Variants in PDE4D observed in about 807,000 individuals in gnomAD.
The protein encoded by PDE4D is 3',5'-cyclic-AMP phosphodiesterase 4D.
A neutral mutation model predicts 87.4 loss-of-function variants in PDE4D; 24 were observed. That is an observed-to-expected ratio of 0.27 (90% CI 0.20 to 0.39). The LOEUF (loss-of-function observed/expected upper bound fraction) is 0.39. Ranked by LOEUF, PDE4D falls within the 10% of genes least tolerant of loss-of-function variation. The pLI is 1.00. For synonymous variants in PDE4D, 384 were observed against 383.2 expected (o/e 1.00, Z -0.02); for missense variants, 714 against 1,041.0 (o/e 0.69, Z 4.32).
chr5:59,137,738 G>A (rs955101416), intron 5 of PDE4D, among the ~76,000 whole-genome samples: 1 of 152,174 alleles, frequency 6.6e-6, no homozygotes, highest in Admixed American at 6.5e-5. Flanking sequence ...GTATTAACCA[G>A]GATGGTCTGG....
chr5:59,519,050 C>T (rs554620927), intron 1 of PDE4D, among the ~76,000 whole-genome samples: 75 of 152,156 alleles, frequency 4.9e-4, no homozygotes, highest in Non-Finnish European at 9.7e-4. Flanking sequence ...TTTCTGCTGT[C>T]CTTCCTTCTT....
intron 1 of PDE4D, among the ~76,000 whole-genome samples, chr5:60,371,497 A>ACTCCAAC (rs1761028003): frequency 6.6e-6 from 1 of 152,198 alleles, no homozygotes; most frequent in Non-Finnish European, 1.5e-5. Flanking sequence ...ACAATCCTAG[A>ACTCCAAC]CTCCAACCTG....
chr5:60,235,383 T>G (rs1015245191), intron 1 of PDE4D, among the ~76,000 whole-genome samples: 4 of 151,956 alleles, frequency 2.6e-5, no homozygotes, highest in Non-Finnish European at 4.4e-5. Context: ...GTATAATGAT[T>G]ATTACAGGTA....
intron 1 of PDE4D, among the ~76,000 whole-genome samples, chr5:59,781,166 CAAA>C (rs11450737): frequency 1.4e-5 from 1 of 69,118 alleles, no homozygotes; most frequent in African/African-American, 6.4e-5. Flanking sequence ...AACTCCTTCT[CAAA>C]AAAAAAAAAA....
intron 3 of PDE4D, among the ~76,000 whole-genome samples, chr5:59,940,596 T>C (rs1002690595): frequency 2.6e-5 from 4 of 152,162 alleles, no homozygotes; most frequent in Non-Finnish European, 5.9e-5. Flanking sequence ...TTCACTGAAA[T>C]AGAGAACACT....
intron 1 of PDE4D, among the ~76,000 whole-genome samples, chr5:59,350,786 GA>G (rs1780409931): frequency 6.6e-6 from 1 of 152,160 alleles, no homozygotes; most frequent in South Asian, 2.1e-4. Flanking sequence ...TTTTACAAAT[GA>G]GGAAACTGAG....
At chr5:59,269,339 C>T (rs776258483) in intron 1 of PDE4D, among the ~76,000 whole-genome samples, 6 of 152,014 alleles carry the variant, frequency 3.9e-5, no homozygotes, top group Non-Finnish European at 8.8e-5. Flanking sequence ...TCCAGATGAG[C>T]CTAAAATAAA....
chr5:58,971,426 C>CAGAT lies in PDE4D; in HGVS notation c.*3234_*3237dup, dbSNP rs1300986940. The CAGAT allele has an allele frequency of 6.6e-6, 1 of 152,126 alleles. No individual in the cohort carries two copies. The highest frequency in any genetic ancestry group is 1.9e-4 in the East Asian group (1 of 5,166). 9.4% of individuals were successfully genotyped at this position (152,126 alleles called of 1,614,324 possible). The stretch of plus-strand genomic sequence containing the variant: ...TCATGGGATGATGTTTTAATAAGAA[C>CAGAT]AGATAATTTACAATTAACATTACAG... On this transcript the variant is annotated 3_prime_UTR_variant, in exon 15 of 15. Transcript: ENST00000340635.
chr5:59,094,216 C>CAAAAAA lies in PDE4D; in HGVS notation c.809-55251_809-55246dup, dbSNP rs1164383460. Among the ~76,000 whole-genome samples the CAAAAAA allele has an allele frequency of 2.7e-4, 4 of 14,564 alleles. 1 individual carries two copies. Among genetic ancestry groups the CAAAAAA allele is most frequent in the East Asian group, 3.0e-3 (2 of 676 alleles). The allele number at this position is 14,564 out of a possible 152,430, so 9.6% of individuals were successfully genotyped here. On this transcript the variant is annotated intron_variant, in intron 5 of 14. Transcript: ENST00000340635. ...CTGGTGACAGAGCAAGACTCCGTCT[C>CAAAAAA]AAAAAAAAAAAAAAAAAAAAAAAAA...
Position 59,402,579 on chromosome 5 carries a change from A to G in PDE4D, c.456-186611T>C, listed in dbSNP as rs171800. Among the ~76,000 whole-genome samples the G allele has an allele frequency of 3.3e-3, 505 of 152,064 alleles. 2 individuals carry two copies. The highest frequency in any genetic ancestry group is 0.012 in the African/African-American group (483 of 41,468). On this transcript the variant is annotated intron_variant, in intron 1 of 14. Coordinates refer to ENST00000340635, the MANE Select transcript of PDE4D (RefSeq NM_001104631.2). The stretch of plus-strand genomic sequence containing the variant: ...TGGGGTATTCCATTCAAATGTTAAA[A>G]AATTCCAATCCAAGATGTCTACCTA...
At chr5:59,290,283 C>T (rs765627765) in intron 1 of PDE4D, among the ~76,000 whole-genome samples, 7 of 151,888 alleles carry the variant, frequency 4.6e-5, no homozygotes, top group African/African-American at 1.4e-4. Flanking sequence ...ACATCTACAG[C>T]GAACTCATTT....
At chr5:59,663,460 C>T (rs113683296) in intron 1 of PDE4D, among the ~76,000 whole-genome samples, 57 of 152,246 alleles carry the variant, frequency 3.7e-4, no homozygotes, top group Non-Finnish European at 6.2e-4. Context: ...CATGAGCCAT[C>T]GTGCCCAGCC....
At chr5:60,034,409 T>C (rs992348416) in intron 2 of PDE4D, among the ~76,000 whole-genome samples, 2 of 152,210 alleles carry the variant, frequency 1.3e-5, no homozygotes, top group African/African-American at 4.8e-5. Context: ...TTCCAGCTTC[T>C]AGAGGCTTTC....
At chr5:60,042,883 C>T (rs1294008750) in intron 2 of PDE4D, among the ~76,000 whole-genome samples, 2 of 152,066 alleles carry the variant, frequency 1.3e-5, no homozygotes, top group Non-Finnish European at 2.9e-5. Flanking sequence ...AATCAGAATG[C>T]CTCTTCTCCA....
intron 1 of PDE4D, among the ~76,000 whole-genome samples, chr5:60,288,411 C>T (rs1349087927): frequency 6.6e-6 from 1 of 152,186 alleles, no homozygotes. Flanking sequence ...GTCCTCTCCA[C>T]CCCCAGAAAA....
chr5:59,658,827 T>C (rs1744791622), intron 1 of PDE4D, among the ~76,000 whole-genome samples: 1 of 151,974 alleles, frequency 6.6e-6, no homozygotes, highest in South Asian at 2.1e-4. Flanking sequence ...AGTGTTCGTG[T>C]GTGTGTGTGT....
intron 5 of PDE4D, among the ~76,000 whole-genome samples, chr5:59,178,151 C>T (rs550804630): frequency 3.3e-5 from 5 of 152,216 alleles, no homozygotes; most frequent in African/African-American, 1.2e-4. Flanking sequence ...GTTTTAAGGG[C>T]CCACTTTTTC....
intron 1 of PDE4D, among the ~76,000 whole-genome samples, chr5:59,778,469 A>G (rs994363291): frequency 1.3e-5 from 2 of 152,280 alleles, no homozygotes; most frequent in African/African-American, 2.4e-5. Context: ...AGTAAAATAC[A>G]TATGAATATT....
chr5:59,799,628 G>C (rs1051227350), intron 1 of PDE4D, among the ~76,000 whole-genome samples: 1 of 152,138 alleles, frequency 6.6e-6, no homozygotes, highest in Non-Finnish European at 1.5e-5. Flanking sequence ...GTAAACCATC[G>C]GACCATATCA....
Sources: allele counts gnomAD v4.1 joint callset (sites outside exome capture counted in the v4.1 genomes callset), GRCh38; gene constraint gnomAD v4.1.1; transcripts MANE v1.5; gene names NCBI Gene and HGNC (gene_info 2026-07-23, HGNC 2026-07-21).